The following CEACAM20 variants were observed in gnomAD, a reference collection of about 807,000 sequenced individuals.
CEACAM20 encodes the protein cell adhesion molecule CEACAM20.
CEACAM20 carries 50 observed loss-of-function variants against 61.2 expected under a neutral mutation model. The observed-to-expected ratio is 0.82, with a 90% CI of 0.65 to 1.03. The LOEUF (loss-of-function observed/expected upper bound fraction) is 1.03, where lower values mean the gene tolerates loss of function less well. Among genes scored for constraint, CEACAM20 ranks in the 50% least tolerant of loss-of-function variants. The probability of loss-of-function intolerance (pLI) is 0.00; values close to 1 mark genes in which losing one functional copy is unlikely to be tolerated. For synonymous variants in CEACAM20, 282 were observed against 287.7 expected (o/e 0.98, Z 0.20); for missense variants, 683 against 736.4 (o/e 0.93, Z 0.84).
intron 11 of CEACAM20, among the ~76,000 whole-genome samples, chr19:44,510,108 A>G (rs1020144380): frequency 2.6e-5 from 4 of 152,166 alleles, no homozygotes; most frequent in East Asian, 3.9e-4. Context: ...AAAAATAAAA[A>G]TGGATAAAAT....
chr19:44,517,881 C>T (rs925783880), intron 5 of CEACAM20, among the ~76,000 whole-genome samples: 1 of 151,520 alleles, frequency 6.6e-6, no homozygotes, highest in Non-Finnish European at 1.5e-5. Flanking sequence ...GAGTTCAAAA[C>T]CAGCCTGACC....
intron 1 of CEACAM20, 81 bp from the exon 2 acceptor site, chr19:44,525,325 A>G: frequency 7.3e-7 from 1 of 1,374,140 alleles, no homozygotes; most frequent in African/African-American, 1.5e-5. Context: ...AAGCACAGGG[A>G]GCTCTGAGGC....
chr19:44,517,694 C>G (rs1445745315), intron 5 of CEACAM20, among the ~76,000 whole-genome samples: 3 of 136,670 alleles, frequency 2.2e-5, no homozygotes, highest in Non-Finnish European at 4.7e-5. Flanking sequence ...AAGATTCCAT[C>G]TCAAAAAAAA....
chr19:44,529,653 T>A lies in CEACAM20; in HGVS notation c.-144A>T. ...CTACAAACTCACACACACACTGCAG[T>A]AACTGCAGCTCCCAGGACAGACAGG... On this transcript the variant is annotated 5_prime_UTR_variant, in exon 1 of 12. Transcript: ENST00000614924. 1.5e-6 allele frequency: 1 copy of A among 653,596 alleles called. No individual in the cohort carries two copies. Among genetic ancestry groups the A allele is most frequent in the Non-Finnish European group, 2.7e-6 (1 of 369,172 alleles). 40.5% of individuals were successfully genotyped at this position (653,596 alleles called of 1,614,324 possible).
At chr19:44,506,409 G>A (rs1970819805) in intron 11 of CEACAM20, among the ~76,000 whole-genome samples, 195 bp from the exon 12 acceptor site, 1 of 152,132 alleles carries the variant, frequency 6.6e-6, no homozygotes, top group South Asian at 2.1e-4. Context: ...TCCCCACTGT[G>A]GTAAACAGAC....
intron 4 of CEACAM20, among the ~76,000 whole-genome samples, 194 bp from the exon 5 acceptor site, chr19:44,520,946 T>C (rs1280274539): frequency 1.3e-5 from 2 of 152,074 alleles, no homozygotes. Context: ...ATGTGTGTCG[T>C]GTGATTATTA....
In CEACAM20 at chr19:44,520,607, G is replaced by T; in HGVS notation, c.897C>A (p.His299Gln). Residue 299 changes from histidine (H) to glutamine (Q), a missense_variant, in exon 5 of 12, where the codon CAC (histidine) becomes CAA (glutamine). Coordinates refer to ENST00000614924, the MANE Select transcript of CEACAM20 (RefSeq NM_001102597.3). ...TCCTGTTGTCAGCTGACAGCTGCAG[G>T]TGCTCACTGGGCAGGAGGGGCTGGC... ...LSGQPLLPSE[H>Q]LQLSADNRTL... The T allele has an allele frequency of 3.1e-6, 5 of 1,614,034 alleles. No individual in the cohort carries two copies. In the South Asian group the frequency reaches 4.4e-5, roughly 14 times the overall value.
At chr19:44,528,681 GACAC>G (rs1179113173) in intron 1 of CEACAM20, among the ~76,000 whole-genome samples, 2 of 151,570 alleles carry the variant, frequency 1.3e-5, no homozygotes, top group South Asian at 2.1e-4. Context: ...TGTGTACACA[GACAC>G]ACAAACACAC....
At position 44,520,625 on chromosome 19, in the gene CEACAM20, G is replaced by C. The variant is rs760276464; in HGVS notation, c.879C>G (p.Pro293=). 4 of 1,614,010 alleles carry C rather than the reference G, an allele frequency of 2.5e-6. No individual in the cohort carries two copies. Among genetic ancestry groups the C allele is most frequent in the Non-Finnish European group, 3.4e-6 (4 of 1,179,888 alleles). The change falls in exon 5 of 12, where the codon CCC becomes CCG. Residue 293 remains proline, a synonymous_variant. Coordinates refer to ENST00000614924, the MANE Select transcript of CEACAM20 (RefSeq NM_001102597.3). The part of the protein sequence containing the change: ...VNVQWFLSGQ[P]LLPSEHLQLS... ...GCTGCAGGTGCTCACTGGGCAGGAG[G>C]GGCTGGCCACTTAGGAACCACTGGA...
At chr19:44,517,590 G>A (rs149469926) in intron 5 of CEACAM20, among the ~76,000 whole-genome samples, 14 of 151,944 alleles carry the variant, frequency 9.2e-5, no homozygotes, top group Middle Eastern at 3.4e-3. Context: ...CCAGCTACTC[G>A]GGAGGCTGAG....
At chr19:44,523,915 CTG>C in intron 3 of CEACAM20, 69 bp downstream of exon 3, 1 of 1,460,758 alleles carries the variant, frequency 6.8e-7, no homozygotes, top group Non-Finnish European at 9.2e-7. Flanking sequence ...GTATTTCAAG[CTG>C]TGAGACTGAA....
intron 9 of CEACAM20, 69 bp from the exon 10 acceptor site, chr19:44,511,741 A>G (rs1971006531): frequency 3.9e-6 from 6 of 1,524,152 alleles, no homozygotes; most frequent in Admixed American, 1.8e-5. Flanking sequence ...AGATGCTCAG[A>G]AATAGCTTTG....
rs1971186751 is a variant in CEACAM20 at position 44,517,156 on chromosome 19, G to A, written c.1099C>T (p.Leu367Phe). ...CACTGCAGGGTCAGGCTGGAGTTGA[G>A]CTCTGCCTCTATGGTGCTGATCATC... is the stretch of plus-strand genomic sequence containing the variant. ...SEMISTIEAELNSSLTLQCWA... is the reference protein window; with the variant it reads ...SEMISTIEAEFNSSLTLQCWA... The change falls in exon 6 of 12, where the codon CTC (leucine) becomes TTC (phenylalanine). Residue 367 changes from leucine (L) to phenylalanine (F), a missense_variant. Leu to Phe is a conservative substitution (Grantham distance 22). Transcript: ENST00000614924. 6.2e-7 allele frequency: 1 copy of A among 1,613,364 alleles called. No homozygotes were observed. The highest frequency in any genetic ancestry group is 8.5e-7 in the Non-Finnish European group (1 of 1,179,866).
intron 5 of CEACAM20, among the ~76,000 whole-genome samples, chr19:44,518,890 C>G (rs1042572881): frequency 6.6e-5 from 10 of 152,172 alleles, no homozygotes; most frequent in African/African-American, 9.7e-5. Flanking sequence ...CCCTCTGTGG[C>G]TCCCCAGTGC....
chr19:44,506,399 TC>T (rs1243886520), intron 11 of CEACAM20, among the ~76,000 whole-genome samples, 185 bp from the exon 12 acceptor site: 1 of 152,174 alleles, frequency 6.6e-6, no homozygotes, highest in Non-Finnish European at 1.5e-5. Flanking sequence ...CCCATGTACT[TC>T]CCCACTGTGG....
At chr19:44,517,940 G>A (rs778138205) in intron 5 of CEACAM20, among the ~76,000 whole-genome samples, 1 of 151,626 alleles carries the variant, frequency 6.6e-6, no homozygotes, top group African/African-American at 2.4e-5. Flanking sequence ...AAAACTAGCT[G>A]GATGTGGTAG....
At chr19:44,513,139 A>C (rs370490069) in intron 7 of CEACAM20, 33 bp downstream of exon 7, 4 of 1,541,988 alleles carry the variant, frequency 2.6e-6, no homozygotes, top group South Asian at 2.3e-5. Context: ...CCACATCCCC[A>C]TCCCCATCCC....
At chr19:44,525,924 CTGTAT>C (rs1189534883) in intron 1 of CEACAM20, among the ~76,000 whole-genome samples, 2 of 152,184 alleles carry the variant, frequency 1.3e-5, no homozygotes, top group Non-Finnish European at 2.9e-5. Context: ...GTGATGGTCC[CTGTAT>C]TCCACATAGA....
intron 9 of CEACAM20, 90 bp from the exon 10 acceptor site, chr19:44,511,762 C>G: frequency 7.8e-7 from 1 of 1,285,748 alleles, no homozygotes; most frequent in Non-Finnish European, 1.1e-6. Flanking sequence ...GCCTCAGAGG[C>G]AATTATAGCA....
Sources: gnomAD v4.1 joint callset for allele counts (sites outside exome capture counted in the v4.1 genomes callset) on GRCh38, gnomAD v4.1.1 for gene constraint, MANE v1.5 for transcripts, NCBI Gene and HGNC (gene_info 2026-07-23, HGNC 2026-07-21) for gene names.